The following ATRNL1 variants were observed in gnomAD, a reference collection of about 807,000 sequenced individuals.
ATRNL1 encodes the protein attractin like 1.
ATRNL1 carries 95 observed loss-of-function variants against 182.7 expected under a neutral mutation model. The observed-to-expected ratio is 0.52, with a 90% CI of 0.44 to 0.62. The LOEUF is 0.62. Among genes scored for constraint, ATRNL1 ranks in the 20% least tolerant of loss-of-function variants. The probability of loss-of-function intolerance (pLI) is 0.00; values close to 1 mark genes in which losing one functional copy is unlikely to be tolerated. For synonymous variants in ATRNL1, 576 were observed against 568.3 expected (o/e 1.01, Z -0.19); for missense variants, 1,471 against 1,679.5 (o/e 0.88, Z 2.17).
At chr10:115,923,306 T>G (rs1237814167) in intron 28 of ATRNL1, among the ~76,000 whole-genome samples, 2 of 152,248 alleles carry the variant, frequency 1.3e-5, no homozygotes, top group African/African-American at 4.8e-5. Context: ...TACTTTAAGT[T>G]CTGGGACACA....
At chr10:115,741,161 T>C (rs1948129124) in intron 27 of ATRNL1, among the ~76,000 whole-genome samples, 2 of 152,116 alleles carry the variant, frequency 1.3e-5, no homozygotes, top group South Asian at 2.1e-4. Context: ...AAGAGAGATA[T>C]GTGCGTGTAA....
chr10:115,369,039 A>C (rs1180369016), intron 19 of ATRNL1, among the ~76,000 whole-genome samples: 2 of 152,130 alleles, frequency 1.3e-5, no homozygotes, highest in African/African-American at 4.8e-5. Flanking sequence ...TAGATACTGC[A>C]TACGAGTGAA....
At chr10:115,787,206 T>A (rs1309246131) in intron 27 of ATRNL1, among the ~76,000 whole-genome samples, 1 of 152,172 alleles carries the variant, frequency 6.6e-6, no homozygotes, top group Non-Finnish European at 1.5e-5. Flanking sequence ...TTCAATAGTC[T>A]TGTACCTTGT....
At chr10:115,588,528 A>C (rs1385839784) in intron 26 of ATRNL1, among the ~76,000 whole-genome samples, 6 of 152,160 alleles carry the variant, frequency 3.9e-5, no homozygotes, top group Non-Finnish European at 5.9e-5. Context: ...TTCAAAGCTA[A>C]GTGTTTTAAG....
At chr10:115,387,567 C>A (rs1385458295) in intron 19 of ATRNL1, among the ~76,000 whole-genome samples, 1 of 152,172 alleles carries the variant, frequency 6.6e-6, no homozygotes, top group Non-Finnish European at 1.5e-5. Context: ...CCAGCCATTT[C>A]CATCACTGCA....
intron 7 of ATRNL1, among the ~76,000 whole-genome samples, chr10:115,169,473 T>G (rs1847199334): frequency 6.6e-6 from 1 of 152,078 alleles, no homozygotes. Flanking sequence ...ACTTTCAAAG[T>G]GCTGGGATTA....
intron 26 of ATRNL1, among the ~76,000 whole-genome samples, chr10:115,718,189 G>A (rs1373130128): frequency 2.0e-5 from 3 of 152,168 alleles, no homozygotes; most frequent in Non-Finnish European, 4.4e-5. Flanking sequence ...TTTTGGGAAT[G>A]TGTGCCTATT....
At chr10:115,758,283 C>T (rs1948643237) in intron 27 of ATRNL1, among the ~76,000 whole-genome samples, 1 of 152,020 alleles carries the variant, frequency 6.6e-6, no homozygotes, top group Admixed American at 6.6e-5. Context: ...ACTGGTTTCT[C>T]CCCATCTTCA....
rs781878508 is a variant in ATRNL1 at position 115,215,863 on chromosome 10, A to G, written c.1515A>G (p.Glu505=). 13 of 1,570,426 alleles carry G rather than the reference A, an allele frequency of 8.3e-6. No homozygotes were observed. Among genetic ancestry groups the G allele is most frequent in the Non-Finnish European group, 1.1e-5 (13 of 1,163,494 alleles). ...YGLVDDLYKY[E]VNTKTWTILK... ...TGGTTGATGATCTTTATAAATATGA[A>G]GTTAACACTAAGACTTGGTGAGTAC... Residue 505 remains glutamate, a synonymous_variant, in exon 9 of 29, where the codon GAA becomes GAG. Transcript: ENST00000355044.
rs564628576 is a variant in ATRNL1 at position 115,739,845 on chromosome 10, A to G, written c.3903+12490A>G. 2.5e-4 allele frequency among the ~76,000 whole-genome samples: 38 copies of G among 152,290 alleles called. 2 individuals carry two copies. In the South Asian group the frequency reaches 7.5e-3, roughly 30 times the overall value. ...TATTGCCTATGACAGTTACTTTTAC[A>G]CTAAATTTATGATTTTGCTTAATAT... On this transcript the variant is annotated intron_variant, in intron 27 of 28. Transcript: ENST00000355044.
At chr10:115,253,726 C>T (rs1182245970) in intron 10 of ATRNL1, among the ~76,000 whole-genome samples, 1 of 151,898 alleles carries the variant, frequency 6.6e-6, no homozygotes, top group African/African-American at 2.4e-5. Context: ...TTAGGTATTT[C>T]TCCTAACACC....
At chr10:115,346,045 T>G (rs1855959926) in intron 19 of ATRNL1, among the ~76,000 whole-genome samples, 1 of 152,200 alleles carries the variant, frequency 6.6e-6, no homozygotes, top group African/African-American at 2.4e-5. Context: ...GGAGAAATAC[T>G]TATTCAAGTA....
chr10:115,780,528 G>A (rs1234161122), intron 27 of ATRNL1, among the ~76,000 whole-genome samples: 1 of 152,168 alleles, frequency 6.6e-6, no homozygotes, highest in African/African-American at 2.4e-5. Flanking sequence ...AGGCTGAAGA[G>A]CTCATGGCAA....
chr10:115,356,683 C>T (rs575426219), intron 19 of ATRNL1, among the ~76,000 whole-genome samples: 8 of 151,954 alleles, frequency 5.3e-5, no homozygotes, highest in Admixed American at 2.0e-4. Context: ...AAACCTACTC[C>T]CTTCCTCAGG....
At chr10:115,375,769 A>T (rs181824704) in intron 19 of ATRNL1, among the ~76,000 whole-genome samples, 24 of 152,164 alleles carry the variant, frequency 1.6e-4, no homozygotes, top group African/African-American at 5.8e-4. Flanking sequence ...ATTGATGTCA[A>T]CTTATTTTTT....
chr10:115,543,673 T>G (rs1397815161), intron 25 of ATRNL1, among the ~76,000 whole-genome samples: 1 of 152,176 alleles, frequency 6.6e-6, no homozygotes, highest in Non-Finnish European at 1.5e-5. Context: ...CAACCTGCAT[T>G]ACAATGTAAC....
Position 115,215,885 on chromosome 10 carries a change from G to A in ATRNL1, c.1532+5G>A. The A allele has an allele frequency of 2.0e-6, 3 of 1,510,264 alleles. No individual in the cohort carries two copies. The highest frequency in any genetic ancestry group is 2.7e-6 in the Non-Finnish European group (3 of 1,131,242). 93.6% of individuals were successfully genotyped at this position (1,510,264 alleles called of 1,614,324 possible). ...TGAAGTTAACACTAAGACTTGGTGA[G>A]TACACAAAATAACACATTTTCTATG... On this transcript the variant is annotated splice_donor_5th_base_variant and intron_variant, in intron 9 of 28. Transcript: ENST00000355044.
At chr10:115,271,059 T>G (rs1337761421) in intron 13 of ATRNL1, among the ~76,000 whole-genome samples, 1 of 152,086 alleles carries the variant, frequency 6.6e-6, no homozygotes, top group Non-Finnish European at 1.5e-5. Context: ...TCCTTGATAT[T>G]CTGTAAATTA....
Position 115,389,574 on chromosome 10 carries a change from ATATATATATATATATATT to A in ATRNL1, c.3176-5083_3176-5066del, listed in dbSNP as rs1564990194. Among the ~76,000 whole-genome samples, 480 of 117,074 alleles carry A rather than the reference ATATATATATATATATATT, an allele frequency of 4.1e-3. 16 individuals carry two copies. Among genetic ancestry groups the A allele is most frequent in the African/African-American group, 0.014 (432 of 30,742 alleles). The allele number at this position is 117,074 out of a possible 152,430, so 76.8% of individuals were successfully genotyped here. A position where few individuals can be genotyped will look rare whatever the true frequency, so the allele number is the denominator to read the frequency against. On this transcript the variant is annotated intron_variant, in intron 19 of 28. Transcript: ENST00000355044. The stretch of plus-strand genomic sequence containing the variant: ...TATATATATATATATATATATATAT[ATATATATATATATATATT>A]TCATCCAATGATGGACACCTAGGTT...
Sources: allele counts gnomAD v4.1 joint callset (sites outside exome capture counted in the v4.1 genomes callset), GRCh38; gene constraint gnomAD v4.1.1; transcripts MANE v1.5; gene names NCBI Gene and HGNC (gene_info 2026-07-23, HGNC 2026-07-21).